MGAT4C: variants seen among roughly 807,000 people sequenced by gnomAD.
The protein encoded by MGAT4C is MGAT4 family member C.
MGAT4C carries 19 observed loss-of-function variants against 40.1 expected under a neutral mutation model. The observed-to-expected ratio is 0.47, with a 90% CI of 0.33 to 0.70. MGAT4C has a LOEUF of 0.70. MGAT4C is among the 30% of genes least tolerant of loss of function. The pLI is 0.02. For synonymous variants in MGAT4C, 181 were observed against 187.1 expected (o/e 0.97, Z 0.27); for missense variants, 491 against 563.2 (o/e 0.87, Z 1.30).
intron 3 of MGAT4C, among the ~76,000 whole-genome samples, chr12:86,410,275 G>A (rs1041590903): frequency 6.6e-6 from 1 of 152,082 alleles, no homozygotes. Flanking sequence ...GGTACTGCAG[G>A]AGACCAGGGC....
chr12:86,578,596 T>C (rs1458245977), intron 2 of MGAT4C, among the ~76,000 whole-genome samples: 4 of 151,858 alleles, frequency 2.6e-5, no homozygotes, highest in Non-Finnish European at 5.9e-5. Flanking sequence ...TCAATTTTAG[T>C]AGGTTGTATG....
intron 3 of MGAT4C, among the ~76,000 whole-genome samples, chr12:86,382,949 G>A (rs1434240702): frequency 6.6e-6 from 1 of 152,226 alleles, no homozygotes; most frequent in East Asian, 1.9e-4. Context: ...TGCCAGGGCA[G>A]TGCAAAAGAG....
intron 4 of MGAT4C, among the ~76,000 whole-genome samples, chr12:86,278,878 T>C (rs987115867): frequency 6.6e-6 from 1 of 151,746 alleles, no homozygotes; most frequent in African/African-American, 2.4e-5. Flanking sequence ...AGAGTTTTTA[T>C]CATGAAGTAA....
intron 2 of MGAT4C, among the ~76,000 whole-genome samples, chr12:86,722,528 T>TA (rs1382245867): frequency 5.9e-5 from 9 of 152,176 alleles, no homozygotes; most frequent in Non-Finnish European, 8.8e-5. Flanking sequence ...TGTGAACACA[T>TA]AGCACACTAT....
chr12:86,555,359 A>T (rs1250467474), intron 2 of MGAT4C, among the ~76,000 whole-genome samples: 1 of 152,214 alleles, frequency 6.6e-6, no homozygotes, highest in Non-Finnish European at 1.5e-5. Flanking sequence ...CAAATGGGAC[A>T]TTTTATATAT....
intron 2 of MGAT4C, among the ~76,000 whole-genome samples, chr12:86,586,244 T>C (rs1483265286): frequency 3.1e-5 from 4 of 130,902 alleles, no homozygotes; most frequent in Non-Finnish European, 4.9e-5. Context: ...AACAATGATT[T>C]CCAATTTCAT....
At chr12:86,666,269 A>G (rs1366656704) in intron 2 of MGAT4C, among the ~76,000 whole-genome samples, 1 of 152,162 alleles carries the variant, frequency 6.6e-6, no homozygotes, top group Non-Finnish European at 1.5e-5. Context: ...CATTACCCTA[A>G]GACTTTTCTA....
chr12:86,627,690 AC>A (rs1161756203), intron 2 of MGAT4C, among the ~76,000 whole-genome samples: 1 of 152,214 alleles, frequency 6.6e-6, no homozygotes, highest in Non-Finnish European at 1.5e-5. Flanking sequence ...AGAAAGGAAT[AC>A]CACTAACATC....
At chr12:86,631,513 G>A (rs4465427) in intron 2 of MGAT4C, among the ~76,000 whole-genome samples, 1 of 151,888 alleles carries the variant, frequency 6.6e-6, no homozygotes. Context: ...TATACTACAA[G>A]GCTACAGTAA....
At chr12:86,317,517 C>T (rs1954271664) in intron 4 of MGAT4C, among the ~76,000 whole-genome samples, 2 of 151,832 alleles carry the variant, frequency 1.3e-5, no homozygotes, top group African/African-American at 2.4e-5. Flanking sequence ...TATAAAAATA[C>T]ACAGGTTTAA....
intron 2 of MGAT4C, among the ~76,000 whole-genome samples, chr12:86,562,413 G>C (rs1484742751): frequency 2.0e-5 from 3 of 152,072 alleles, no homozygotes; most frequent in Non-Finnish European, 2.9e-5. Context: ...GATGCTGGGG[G>C]CGCTGAGCTC....
intron 1 of MGAT4C, among the ~76,000 whole-genome samples, chr12:86,790,989 A>G (rs1350332544): frequency 1.3e-5 from 2 of 152,154 alleles, no homozygotes; most frequent in Non-Finnish European, 2.9e-5. Flanking sequence ...GGTTATTGGG[A>G]AGTTGCCAGA....
At chr12:85,983,254 T>C (rs1884821496) in intron 4 of MGAT4C, among the ~76,000 whole-genome samples, 1 of 152,178 alleles carries the variant, frequency 6.6e-6, no homozygotes, top group South Asian at 2.1e-4. Flanking sequence ...AGTAAATTGA[T>C]TTTTTTCTAG....
chr12:86,073,526 C>T (rs778243612), intron 1 of MGAT4C, among the ~76,000 whole-genome samples: 28 of 152,200 alleles, frequency 1.8e-4, no homozygotes, highest in East Asian at 3.9e-4. Context: ...TGTTGAATGG[C>T]GGCTTTGAAC....
At chr12:86,730,848 G>A (rs768352805) in intron 1 of MGAT4C, among the ~76,000 whole-genome samples, 48 of 152,086 alleles carry the variant, frequency 3.2e-4, no homozygotes, top group Non-Finnish European at 4.6e-4. Context: ...TATTATAACC[G>A]CTATTAACAA....
chr12:86,518,113 T>C (rs988813258), intron 2 of MGAT4C, among the ~76,000 whole-genome samples: 2 of 152,116 alleles, frequency 1.3e-5, no homozygotes, highest in Non-Finnish European at 2.9e-5. Flanking sequence ...AACTGTCAAA[T>C]AAACCATTAA....
intron 1 of MGAT4C, among the ~76,000 whole-genome samples, chr12:86,755,587 T>TCTTTCTCTCTTTC (rs1250635192): frequency 2.6e-4 from 39 of 151,780 alleles, no homozygotes; most frequent in Admixed American, 2.6e-3. Flanking sequence ...TTTTTTCTTT[T>TCTTTCTCTCTTTC]CTTTCTCTCT....
At chr12:86,108,464 C>G (rs1466757250) in intron 1 of MGAT4C, among the ~76,000 whole-genome samples, 1 of 151,906 alleles carries the variant, frequency 6.6e-6, no homozygotes, top group African/African-American at 2.4e-5. Flanking sequence ...TCAAAATAAA[C>G]AGTATTAAAA....
intron 2 of MGAT4C, among the ~76,000 whole-genome samples, chr12:86,510,070 T>C (rs1434002585): frequency 1.3e-5 from 2 of 152,160 alleles, no homozygotes; most frequent in African/African-American, 2.4e-5. Context: ...TCCTGCCTAA[T>C]TGCCCTGGCC....
Sources: gnomAD v4.1 joint callset for allele counts (sites outside exome capture counted in the v4.1 genomes callset) on GRCh38, gnomAD v4.1.1 for gene constraint, MANE v1.5 for transcripts, NCBI Gene and HGNC (gene_info 2026-07-23, HGNC 2026-07-21) for gene names.